FHAD1: variants seen among roughly 807,000 people sequenced by gnomAD.
FHAD1 encodes the protein forkhead associated phosphopeptide binding domain 1, also known as forkhead-associated domain-containing protein 1.
Under a neutral mutation model 191.3 loss-of-function variants are expected in FHAD1, and 146 were observed. The ratio of observed to expected loss-of-function variants is 0.76; its 90% CI spans 0.67 to 0.88. The LOEUF (loss-of-function observed/expected upper bound fraction) is 0.88, where lower values mean the gene tolerates loss of function less well. FHAD1 is among the 40% of genes least tolerant of loss of function. The pLI is 0.00. For synonymous variants in FHAD1, 616 were observed against 672.3 expected (o/e 0.92, Z 1.29); for missense variants, 1,635 against 1,785.8 (o/e 0.92, Z 1.52).
chr1:15,337,229 T>C (rs1684554725), intron 14 of FHAD1, among the ~76,000 whole-genome samples: 1 of 152,054 alleles, frequency 6.6e-6, no homozygotes, highest in Non-Finnish European at 1.5e-5. Flanking sequence ...CTGCTGACCC[T>C]CCCTCCCCAG....
At chr1:15,359,352 T>C (rs1452804869) in intron 21 of FHAD1, among the ~76,000 whole-genome samples, 3 of 152,000 alleles carry the variant, frequency 2.0e-5, no homozygotes, top group Admixed American at 2.0e-4. Flanking sequence ...AAAGAATGTA[T>C]CTGTCATGGG....
At chr1:15,362,329 C>G (rs1344945860) in intron 22 of FHAD1, among the ~76,000 whole-genome samples, 1 of 152,180 alleles carries the variant, frequency 6.6e-6, no homozygotes, top group Admixed American at 6.5e-5. Context: ...GGCGGTGGGA[C>G]CAGGGGCTGA....
chr1:15,378,193 G>A (rs2092325), intron 28 of FHAD1, among the ~76,000 whole-genome samples: 15,553 of 152,204 alleles, frequency 0.1, 1,017 homozygotes, highest in South Asian at 0.22. Context: ...GCTCAGGCAC[G>A]AGAATCACTT....
intron 31 of FHAD1, among the ~76,000 whole-genome samples, chr1:15,387,439 TAGA>T (rs945815209): frequency 6.6e-5 from 10 of 152,128 alleles, no homozygotes; most frequent in Admixed American, 3.9e-4. Flanking sequence ...AGTGTATGGA[TAGA>T]AGATGGCTCA....
At chr1:15,353,704 C>CATAA (rs1691660674) in intron 20 of FHAD1, among the ~76,000 whole-genome samples, 1 of 60,974 alleles carries the variant, frequency 1.6e-5, no homozygotes, top group Non-Finnish European at 2.8e-5. Context: ...GACTCCATCT[C>CATAA]AAAAAAAAAA....
chr1:15,369,443 T>C lies in FHAD1; in HGVS notation c.3388T>C (p.Cys1130Arg), dbSNP rs1431362902. 3.0e-5 allele frequency: 46 copies of C among 1,551,608 alleles called. No individual in the cohort carries two copies. The highest frequency in any genetic ancestry group is 3.8e-5 in the Non-Finnish European group (44 of 1,147,020). ...GAAGCCCCGGAAGAAGACCCAGACG[T>C]GTGACACCTCTGTGCAGATAGAACC... is the stretch of plus-strand genomic sequence containing the variant. ...EQKPRKKTQT[C>R]DTSVQIEPVH... Residue 1130 changes from cysteine to arginine, a missense_variant, in exon 26 of 34, where the codon TGT becomes CGT. By Grantham distance (180) the Cys-to-Arg change is radical. Transcript: ENST00000688493.
rs1230016693 is a variant in FHAD1 at position 15,276,392 on chromosome 1, C to T, written c.300+3863C>T. ...GTGGATGCCTTTGCAAATAACTTACCCATGGAGTGACATACAAGGTAGAAA... is the reference window on the plus strand; with the variant it reads ...GTGGATGCCTTTGCAAATAACTTACTCATGGAGTGACATACAAGGTAGAAA... On this transcript the variant is annotated intron_variant, in intron 3 of 33. Transcript: ENST00000688493. The surrounding 1 kb of genome is among the most constrained non-coding windows in gnomAD (Gnocchi z 4.7). Among the ~76,000 whole-genome samples the T allele has an allele frequency of 2.0e-5, 3 of 152,164 alleles. No individual in the cohort carries two copies. Among genetic ancestry groups the T allele is most frequent in the Non-Finnish European group, 2.9e-5 (2 of 68,040 alleles).
At chr1:15,346,563 G>A (rs756068643) in intron 18 of FHAD1, among the ~76,000 whole-genome samples, 2 of 152,152 alleles carry the variant, frequency 1.3e-5, no homozygotes, top group African/African-American at 2.4e-5. Context: ...CTCCAGCCAC[G>A]GTAGCCTAGG....
chr1:15,272,251 C>A (rs1437166298), intron 2 of FHAD1, 72 bp from the exon 3 acceptor site: 3 of 1,399,404 alleles, frequency 2.1e-6, no homozygotes, highest in African/African-American at 2.9e-5. Context: ...AGGTAAGGCA[C>A]TCAGCTCAAA....
intron 14 of FHAD1, among the ~76,000 whole-genome samples, chr1:15,336,781 T>A (rs568972679): frequency 5.3e-5 from 8 of 152,328 alleles, no homozygotes; most frequent in African/African-American, 1.9e-4. Flanking sequence ...CCTGCAGCAC[T>A]GACTAGGCCA....
chr1:15,349,599 C>G (rs369367613), intron 19 of FHAD1, among the ~76,000 whole-genome samples: 1 of 152,222 alleles, frequency 6.6e-6, no homozygotes, highest in Non-Finnish European at 1.5e-5. Flanking sequence ...GCTCCTGGCC[C>G]GGCCTCCTGG....
chr1:15,241,304 G>A (rs7549959), intron 1 of FHAD1, among the ~76,000 whole-genome samples: 129,605 of 152,228 alleles, frequency 0.85, 55,563 homozygotes, highest in East Asian at 0.95. Context: ...AACGTCAAGC[G>A]AAAGAAACCA....
chr1:15,304,558 A>G (rs927378191), intron 6 of FHAD1, among the ~76,000 whole-genome samples: 7 of 152,170 alleles, frequency 4.6e-5, no homozygotes, highest in Non-Finnish European at 7.4e-5. Context: ...CAAAAGCATT[A>G]AGCTGAGAAG....
At position 15,317,913 on chromosome 1, in the gene FHAD1, G is replaced by A. The variant is rs749708859; in HGVS notation, c.1350G>A (p.Leu450=). 5 of 1,551,126 alleles carry A rather than the reference G, an allele frequency of 3.2e-6. No individual in the cohort carries two copies. In the South Asian group the frequency reaches 3.6e-5, roughly 11 times the overall value. The part of the protein sequence containing the change: ...CTEQSVISRT[L]REKSKVEEKL... ...AACAAAGCGTGATCTCTAGGACTCT[G>A]AGAGAAAAAAGCAAGGTACGTAGTG... The change falls in exon 10 of 34, where the codon CTG becomes CTA. Residue 450 remains leucine (L), a synonymous_variant. Transcript: ENST00000688493.
intron 3 of FHAD1, among the ~76,000 whole-genome samples, chr1:15,275,822 G>A (rs1573888394): frequency 6.6e-6 from 1 of 152,286 alleles, no homozygotes; most frequent in African/African-American, 2.4e-5. Context: ...AGAGGGGGCT[G>A]TGTCTTCCCC....
chr1:15,272,278 C>A, intron 2 of FHAD1, 45 bp from the exon 3 acceptor site: 1 of 1,517,812 alleles, frequency 6.6e-7, no homozygotes, highest in South Asian at 1.2e-5. Context: ...GGGGCCGTGT[C>A]ATTTTTGTTT....
chr1:15,317,714 T>C, intron 9 of FHAD1, 110 bp from the exon 10 acceptor site: 1 of 673,796 alleles, frequency 1.5e-6, no homozygotes, highest in East Asian at 2.8e-5. Context: ...AGACAAGGTT[T>C]CCACCTTAAT....
chr1:15,245,461 G>A (rs561179529), upstream of FHAD1, among the ~76,000 whole-genome samples: 2 of 152,290 alleles, frequency 1.3e-5, no homozygotes, highest in South Asian at 2.1e-4. Context: ...AAGATGATAT[G>A]TGAGTAAAAA....
rs190613286 is a variant in FHAD1 at position 15,328,545 on chromosome 1, A to G, written c.1710+116A>G. ...TTGGGCAGAAATGCTTGGCTTTTCT[A>G]TCCACTTTTTCCTCTTGTTGGAGAA... On this transcript the variant is annotated intron_variant, in intron 13 of 33. Transcript: ENST00000688493. 231 of 887,216 alleles carry G rather than the reference A, an allele frequency of 2.6e-4. No individual in the cohort carries two copies. In the African/African-American group the frequency reaches 3.6e-3, roughly 14 times the overall value. The allele number at this position is 887,216 out of a possible 1,614,324, so 55.0% of individuals were successfully genotyped here.
Sources: allele counts gnomAD v4.1 joint callset (sites outside exome capture counted in the v4.1 genomes callset), GRCh38; gene constraint gnomAD v4.1.1; non-coding constraint Gnocchi (gnomAD v3.1); transcripts MANE v1.5; gene names NCBI Gene and HGNC (gene_info 2026-07-23, HGNC 2026-07-21).